Variants in TMEM230 observed in about 807,000 individuals in gnomAD.
The protein encoded by TMEM230 is UPF0414 transmembrane protein C20orf30.
In TMEM230, 10 loss-of-function variants were observed where a neutral mutation model predicts 15.8. The ratio of observed to expected loss-of-function variants is 0.63; its 90% confidence interval spans 0.39 to 1.07. The LOEUF is 1.07. TMEM230 is among the 50% of genes least tolerant of loss of function. TMEM230 has a pLI of 0.01. For synonymous variants in TMEM230, 67 were observed against 76.9 expected (o/e 0.87, Z 0.68); for missense variants, 165 against 193.3 (o/e 0.85, Z 0.87).
At position 5,104,312 on chromosome 20, in the gene TMEM230, G is replaced by A. The variant is rs184481812; in HGVS notation, c.411+1876C>T. 2.3e-3 allele frequency among the ~76,000 whole-genome samples: 355 copies of A among 152,200 alleles called. 4 individuals carry two copies. The highest frequency in any genetic ancestry group is 8.0e-3 in the African/African-American group (332 of 41,528). On this transcript the variant is annotated intron_variant, in intron 4 of 4. Coordinates refer to ENST00000342308, the MANE Select transcript of TMEM230 (RefSeq NM_001009923.2). ...TGGGCTCAAGTGATCCTCCTGCCTCGGCCTCCAAAAGTGCTGGGACTACAG... is the reference window on the plus strand; with the variant it reads ...TGGGCTCAAGTGATCCTCCTGCCTCAGCCTCCAAAAGTGCTGGGACTACAG...
chr20:5,072,656 C>T (rs963202940), intron 3 of TMEM230, among the ~76,000 whole-genome samples: 3 of 151,964 alleles, frequency 2.0e-5, no homozygotes, highest in African/African-American at 7.3e-5. Flanking sequence ...CGAGACCAGC[C>T]TGACCAATAT....
At chr20:5,071,208 A>G (rs760813500) in intron 3 of TMEM230, among the ~76,000 whole-genome samples, 17 of 152,170 alleles carry the variant, frequency 1.1e-4, no homozygotes, top group Non-Finnish European at 1.9e-4. Context: ...ACTGGGCTAT[A>G]TGGGGCCTAA....
At chr20:5,075,756 T>C (rs1265660241) in intron 3 of TMEM230, among the ~76,000 whole-genome samples, 1 of 151,790 alleles carries the variant, frequency 6.6e-6, no homozygotes, top group Non-Finnish European at 1.5e-5. Flanking sequence ...TAAATAAAAA[T>C]AATCTTTTTC....
Position 5,077,645 on chromosome 20 carries a change from C to T in TMEM230, c.223-8296G>A, listed in dbSNP as rs369496638. Among the ~76,000 whole-genome samples, 16 of 152,096 alleles carry T rather than the reference C, an allele frequency of 1.1e-4. No homozygotes were observed. In the South Asian group the frequency reaches 2.7e-3, roughly 26 times the overall value. Reference sequence around the variant, plus strand: ...GGTCAGGAGTTCAAGACCAGCTTGACCAATATGGTGAAACTCCATCTCTAC... The same window carrying T: ...GGTCAGGAGTTCAAGACCAGCTTGATCAATATGGTGAAACTCCATCTCTAC... On this transcript the variant is annotated intron_variant, in intron 3 of 3. Coordinates refer to the TMEM230 transcript ENST00000612323.
chr20:5,082,138 C>T (rs979912407), intron 3 of TMEM230, among the ~76,000 whole-genome samples: 4 of 151,858 alleles, frequency 2.6e-5, no homozygotes, highest in East Asian at 1.9e-4. Flanking sequence ...CCACCTGCCT[C>T]GGCCTCCCAA....
chr20:5,075,799 AATC>A (rs2088974516), intron 3 of TMEM230, among the ~76,000 whole-genome samples: 1 of 152,106 alleles, frequency 6.6e-6, no homozygotes, highest in Non-Finnish European at 1.5e-5. Context: ...CATCCTATGA[AATC>A]ATGTTTTGCA....
intron 3 of TMEM230, chr20:5,069,376 TCCA>T: frequency 6.6e-7 from 1 of 1,517,488 alleles, no homozygotes. Context: ...CCTTCTCAAT[TCCA>T]CCACAAGTTC....
intron 3 of TMEM230, among the ~76,000 whole-genome samples, chr20:5,081,880 T>TC (rs1329680493): frequency 2.3e-5 from 1 of 44,002 alleles, no homozygotes; most frequent in Non-Finnish European, 6.2e-5. Context: ...TTTCTTTTTT[T>TC]TTTTTTTTTT....
At chr20:5,071,207 T>C (rs559322413) in intron 3 of TMEM230, among the ~76,000 whole-genome samples, 1 of 152,234 alleles carries the variant, frequency 6.6e-6, no homozygotes, top group South Asian at 2.1e-4. Context: ...CACTGGGCTA[T>C]ATGGGGCCTA....
chr20:5,097,748 G>C (rs376487927), downstream of TMEM230, among the ~76,000 whole-genome samples: 180 of 152,058 alleles, frequency 1.2e-3, 1 homozygote, highest in African/African-American at 4.2e-3. Context: ...TGATTCTCCT[G>C]CCTCAGCCTC....
chr20:5,109,165 C>T lies in TMEM230; in HGVS notation c.288+167G>A, dbSNP rs777223100. The T allele has an allele frequency of 2.6e-4, 144 of 556,198 alleles. No homozygotes were observed. The Middle Eastern group carries it at 6.3e-3, about 24-fold the overall frequency. 34.5% of individuals were successfully genotyped at this position (556,198 alleles called of 1,614,324 possible). ...GAATTGGTTTGAAACTACCCTGCCA[C>T]GGCCCTCTTCTGCGATTATGGCTGA... On this transcript the variant is annotated intron_variant, in intron 3 of 4. Transcript: ENST00000342308.
chr20:5,094,745 C>T (rs1320539639), intron 3 of TMEM230, among the ~76,000 whole-genome samples: 5 of 150,262 alleles, frequency 3.3e-5, no homozygotes, highest in Non-Finnish European at 7.4e-5. Flanking sequence ...CATCTGCTGC[C>T]CAGGCTGGTC....
intron 4 of TMEM230, among the ~76,000 whole-genome samples, chr20:5,104,440 G>T (rs1233040209): frequency 6.6e-6 from 1 of 152,186 alleles, no homozygotes; most frequent in Non-Finnish European, 1.5e-5. Flanking sequence ...GTACAATGTT[G>T]ATGGGAATGT....
intron 2 of TMEM230, among the ~76,000 whole-genome samples, chr20:5,110,770 C>G (rs1470118107): frequency 6.6e-6 from 1 of 152,216 alleles, no homozygotes; most frequent in Admixed American, 6.5e-5. Flanking sequence ...GAATAACAAC[C>G]TGGCTTCTTG....
chr20:5,069,245 T>C, exon 4 of TMEM230: 1 of 1,535,918 alleles, frequency 6.5e-7, no homozygotes, highest in Non-Finnish European at 8.7e-7. Context: ...AGCTGAGTCC[T>C]CCTTCGGGAC....
the TMEM230 span, among the ~76,000 whole-genome samples, chr20:5,059,781 T>G: frequency 1.0e-4 from 14 of 138,386 alleles, no homozygotes; most frequent in Admixed American, 2.2e-4. Context: ...TTTTTTTTTT[T>G]TTTTTTTTTT....
chr20:5,097,540 A>C (rs2089699148), downstream of TMEM230, among the ~76,000 whole-genome samples: 1 of 152,214 alleles, frequency 6.6e-6, no homozygotes, highest in Non-Finnish European at 1.5e-5. Context: ...TCTACTGTCC[A>C]TACCCACCTC....
chr20:5,106,137 G>T lies in TMEM230; in HGVS notation c.411+51C>A, dbSNP rs771214499. On this transcript the variant is annotated intron_variant, in intron 4 of 4. Coordinates refer to ENST00000342308, the MANE Select transcript of TMEM230 (RefSeq NM_001009923.2). ...CACACACACGCACACTAGAGCCTTG[G>T]CTAACATTTTAAAAATCTCACAACT... The T allele has an allele frequency of 1.6e-5, 25 of 1,565,080 alleles. 1 individual carries two copies. The highest frequency in any genetic ancestry group is 2.3e-4 in the Middle Eastern group (1 of 4,258).
At position 5,089,306 on chromosome 20, in the gene TMEM230, C is replaced by T. The variant is rs546359850; in HGVS notation, c.222+16882G>A. 6.6e-4 allele frequency among the ~76,000 whole-genome samples: 100 copies of T among 151,578 alleles called. 1 individual carries two copies. Among genetic ancestry groups the T allele is most frequent in the African/African-American group, 2.3e-3 (93 of 41,274 alleles). ...AGGAGAATCGCTTGAACCTGGGAGG[C>T]GGGGGTTGCAGTGAGCCAAGATCAC... On this transcript the variant is annotated intron_variant, in intron 3 of 3. Transcript: ENST00000612323.
Sources: allele counts gnomAD v4.1 joint callset (sites outside exome capture counted in the v4.1 genomes callset), GRCh38; gene constraint gnomAD v4.1.1; transcripts MANE v1.5; gene names NCBI Gene and HGNC (gene_info 2026-07-23, HGNC 2026-07-21).